RAB38: variants seen among roughly 807,000 people sequenced by gnomAD.
RAB38 encodes ras-related protein Rab-38.
RAB38 carries 15 observed loss-of-function variants against 18.4 expected under a neutral mutation model. The observed-to-expected ratio is 0.82, with a 90% CI of 0.55 to 1.26. RAB38 has a LOEUF of 1.26. Ranked by LOEUF, RAB38 falls within the 50% of genes most tolerant of loss-of-function variation. The pLI, the probability that RAB38 is intolerant of heterozygous loss-of-function variation, is 0.00. For synonymous variants in RAB38, 101 were observed against 104.4 expected, an observed-to-expected ratio of 0.97 and a Z score of 0.20; for missense variants, 294 against 267.4, an observed-to-expected ratio of 1.10 and a Z score of -0.69.
rs1338058578 is a variant in RAB38 at position 88,138,791 on chromosome 11, TA to T, written c.483+10883del. ...TTTATTATTATTCTTTTTTTTTTAT[TA>T]TTTTTTTTGAGGCGGAGTCTTGCTC... On this transcript the variant is annotated intron_variant, in intron 2 of 2. Transcript: ENST00000243662. Among the ~76,000 whole-genome samples, 652 of 144,976 alleles carry T rather than the reference TA, an allele frequency of 4.5e-3. 11 individuals carry two copies. Among genetic ancestry groups the T allele is most frequent in the African/African-American group, 0.016 (580 of 35,732 alleles).
At chr11:87,843,813 T>C in the RAB38 span, among the ~76,000 whole-genome samples, 3 of 152,204 alleles carry the variant, frequency 2.0e-5, no homozygotes, top group Admixed American at 6.6e-5. Flanking sequence ...AAGATTTATA[T>C]GACTGAAAAA....
the RAB38 span, among the ~76,000 whole-genome samples, chr11:87,977,744 C>T: frequency 1.1e-4 from 1 of 9,236 alleles, no homozygotes; most frequent in East Asian, 0.015. Context: ...GTTATATATT[C>T]TATAATATAT....
chr11:88,074,672 A>G, the RAB38 span, among the ~76,000 whole-genome samples: 1 of 152,086 alleles, frequency 6.6e-6, no homozygotes, highest in Non-Finnish European at 1.5e-5. Flanking sequence ...ATGAGAAAAC[A>G]AACAACGAAA....
chr11:87,854,463 A>G, the RAB38 span, among the ~76,000 whole-genome samples: 1 of 152,190 alleles, frequency 6.6e-6, no homozygotes, highest in African/African-American at 2.4e-5. Flanking sequence ...GGTAGTGAAT[A>G]GGAAAATGAT....
At chr11:88,031,956 A>T in the RAB38 span, among the ~76,000 whole-genome samples, 1 of 151,536 alleles carries the variant, frequency 6.6e-6, no homozygotes, top group South Asian at 2.1e-4. Flanking sequence ...AGCTGGAGGC[A>T]TCACACTACC....
At chr11:87,869,422 C>T in the RAB38 span, among the ~76,000 whole-genome samples, 15 of 151,546 alleles carry the variant, frequency 9.9e-5, no homozygotes, top group Non-Finnish European at 1.6e-4. Flanking sequence ...AATAAGAACC[C>T]GGCTCACTCA....
At chr11:88,034,610 A>G in the RAB38 span, among the ~76,000 whole-genome samples, 1 of 152,214 alleles carries the variant, frequency 6.6e-6, no homozygotes, top group South Asian at 2.1e-4. Flanking sequence ...GATGTTGAAC[A>G]TATTATCATG....
chr11:87,931,296 T>G, the RAB38 span, among the ~76,000 whole-genome samples: 1 of 152,106 alleles, frequency 6.6e-6, no homozygotes, highest in Non-Finnish European at 1.5e-5. Context: ...GGAAGATAGA[T>G]GCAAGTTGGT....
chr11:87,818,987 A>G, the RAB38 span, among the ~76,000 whole-genome samples: 1 of 152,224 alleles, frequency 6.6e-6, no homozygotes, highest in East Asian at 1.9e-4. Flanking sequence ...AAAAAATTAT[A>G]AATTTATAAA....
the RAB38 span, among the ~76,000 whole-genome samples, chr11:87,895,384 G>C: frequency 2.0e-5 from 3 of 151,638 alleles, no homozygotes; most frequent in Non-Finnish European, 4.4e-5. Context: ...CGGGTACTGA[G>C]GGAGGGCGAT....
the RAB38 span, among the ~76,000 whole-genome samples, chr11:88,029,103 C>T: frequency 6.6e-6 from 1 of 151,818 alleles, no homozygotes; most frequent in East Asian, 1.9e-4. Flanking sequence ...GAATTTTCAA[C>T]CCAGAATTTC....
rs539714304 is a variant in RAB38, at chr11:88,145,869, G to T, written c.483+3806C>A. Among the ~76,000 whole-genome samples the T allele has an allele frequency of 5.9e-5, 9 of 152,168 alleles. No individual in the cohort carries two copies. In the South Asian group the frequency reaches 1.9e-3, roughly 32 times the overall value. Reference sequence around the variant, plus strand: ...CAGGTATAAACCAGGAATTTGGGGGGCAAAATGGGACACATGATTACCCCA... The same window carrying T: ...CAGGTATAAACCAGGAATTTGGGGGTCAAAATGGGACACATGATTACCCCA... On this transcript the variant is annotated intron_variant, in intron 2 of 2. Coordinates refer to ENST00000243662, the MANE Select transcript of RAB38 (RefSeq NM_022337.3).
chr11:87,845,150 C>T, the RAB38 span, among the ~76,000 whole-genome samples: 1 of 152,034 alleles, frequency 6.6e-6, no homozygotes, highest in African/African-American at 2.4e-5. Context: ...TAATAGATAA[C>T]AAAGTTTAAG....
chr11:88,125,891 T>A (rs1042446577), intron 2 of RAB38, among the ~76,000 whole-genome samples: 2 of 152,220 alleles, frequency 1.3e-5, no homozygotes, highest in South Asian at 4.1e-4. Flanking sequence ...TTAATTTTTG[T>A]ATAAGGTGTA....
chr11:88,045,775 T>C, the RAB38 span, among the ~76,000 whole-genome samples: 49 of 152,238 alleles, frequency 3.2e-4, no homozygotes, highest in South Asian at 9.5e-3. Context: ...GGCTACCCAC[T>C]CCACATTACC....
At chr11:87,894,754 C>T in the RAB38 span, among the ~76,000 whole-genome samples, 1 of 146,678 alleles carries the variant, frequency 6.8e-6, no homozygotes, top group African/African-American at 2.5e-5. Context: ...TATATGTATA[C>T]ATTATATATC....
chr11:88,167,824 C>T (rs1477955187), intron 1 of RAB38: 1 of 152,106 alleles, frequency 6.6e-6, no homozygotes, highest in African/African-American at 2.4e-5. Flanking sequence ...TCTAATTCAC[C>T]ATCCTAGAAG....
chr11:88,034,680 C>T, the RAB38 span, among the ~76,000 whole-genome samples: 1 of 152,156 alleles, frequency 6.6e-6, no homozygotes, highest in Non-Finnish European at 1.5e-5. Flanking sequence ...GCCTTCTGTT[C>T]GTTTCCTAAT....
chr11:87,844,161 A>T, the RAB38 span, among the ~76,000 whole-genome samples: 1 of 152,188 alleles, frequency 6.6e-6, no homozygotes, highest in Admixed American at 6.5e-5. Flanking sequence ...ACCTTTTCCC[A>T]TGGGTTATTG....
Sources: allele counts gnomAD v4.1 joint callset (sites outside exome capture counted in the v4.1 genomes callset), GRCh38; gene constraint gnomAD v4.1.1; transcripts MANE v1.5; gene names NCBI Gene and HGNC (gene_info 2026-07-23, HGNC 2026-07-21).